Variants in VPS13A observed in about 807,000 individuals in gnomAD.
VPS13A encodes intermembrane lipid transfer protein VPS13A.
Under a neutral mutation model 390.9 loss-of-function variants are expected in VPS13A, and 264 were observed. The observed-to-expected ratio is 0.68, with a 90% CI of 0.61 to 0.75. VPS13A has a LOEUF of 0.75. VPS13A is among the 30% of genes least tolerant of loss of function. VPS13A has a pLI of 0.00. For missense variants in VPS13A, 3,409 were observed against 3,733.9 expected, an observed-to-expected ratio of 0.91 and a Z score of 2.27; for synonymous variants, 1,231 against 1,227.1, an observed-to-expected ratio of 1.00 and a Z score of -0.07.
intron 45 of VPS13A, among the ~76,000 whole-genome samples, chr9:77,330,222 C>T (rs1301198088): frequency 8.5e-5 from 13 of 152,106 alleles, no homozygotes; most frequent in Admixed American, 7.9e-4. Context: ...CACTATATTG[C>T]CTAGGCTGCT....
intron 6 of VPS13A, 117 bp from the exon 7 acceptor site, chr9:77,210,499 C>A: frequency 2.0e-6 from 2 of 977,458 alleles, no homozygotes; most frequent in Non-Finnish European, 3.2e-6. Flanking sequence ...CTGCCTTGGC[C>A]TTCCAGAGTG....
At chr9:77,382,767 A>ATTT in intron 68 of VPS13A, 1 of 985,650 alleles carries the variant, frequency 1.0e-6, no homozygotes, top group Non-Finnish European at 1.2e-6. Context: ...AACTTGTGGG[A>ATTT]TTTGATAAGC....
chr9:77,339,341 G>A (rs897142051), intron 47 of VPS13A, among the ~76,000 whole-genome samples, 175 bp from the exon 48 acceptor site: 13 of 152,082 alleles, frequency 8.5e-5, no homozygotes, highest in South Asian at 4.1e-4. Context: ...ATTAAATACC[G>A]TGTAGAGGTT....
intron 34 of VPS13A, among the ~76,000 whole-genome samples, chr9:77,305,809 G>C (rs1369710092): frequency 6.6e-6 from 1 of 152,206 alleles, no homozygotes; most frequent in Non-Finnish European, 1.5e-5. Flanking sequence ...ACCAAGTGGA[G>C]CAGCTTGTGA....
intron 1 of VPS13A, among the ~76,000 whole-genome samples, chr9:77,191,364 G>C (rs1175946660): frequency 6.6e-6 from 1 of 150,638 alleles, no homozygotes; most frequent in Non-Finnish European, 1.5e-5. Context: ...CATGAACACG[G>C]CTCACTGCAG....
chr9:77,337,776 T>G, intron 47 of VPS13A: 1 of 419,106 alleles, frequency 2.4e-6, no homozygotes, highest in Non-Finnish European at 4.2e-6. Flanking sequence ...TTAGTGCTGA[T>G]TTTCTTAAAA....
intron 45 of VPS13A, among the ~76,000 whole-genome samples, chr9:77,327,466 T>G (rs943417749): frequency 1.3e-5 from 2 of 152,150 alleles, no homozygotes; most frequent in African/African-American, 4.8e-5. Flanking sequence ...ATAGTACAGT[T>G]AAGATTATTC....
At chr9:77,396,617 C>T (rs1469181407) in intron 68 of VPS13A, among the ~76,000 whole-genome samples, 1 of 152,044 alleles carries the variant, frequency 6.6e-6, no homozygotes, top group East Asian at 1.9e-4. Context: ...CCTTCTTTTT[C>T]CTGGCCATGG....
intron 24 of VPS13A, among the ~76,000 whole-genome samples, chr9:77,274,959 A>T (rs1826558987): frequency 6.6e-6 from 1 of 152,132 alleles, no homozygotes; most frequent in Non-Finnish European, 1.5e-5. Context: ...GCATATGTGT[A>T]TGCTGATGTG....
At chr9:77,211,870 G>T (rs1255292049) in intron 7 of VPS13A, among the ~76,000 whole-genome samples, 2 of 152,210 alleles carry the variant, frequency 1.3e-5, no homozygotes, top group African/African-American at 2.4e-5. Context: ...AGAACAGGAG[G>T]TAAGGCCTGG....
chr9:77,203,435 A>T (rs1409916354), intron 3 of VPS13A, among the ~76,000 whole-genome samples: 1 of 152,034 alleles, frequency 6.6e-6, no homozygotes, highest in Non-Finnish European at 1.5e-5. Context: ...CTACAGGTGT[A>T]CGCCGCCATG....
intron 45 of VPS13A, among the ~76,000 whole-genome samples, chr9:77,331,247 A>G (rs549887361): frequency 1.6e-4 from 25 of 152,238 alleles, no homozygotes; most frequent in African/African-American, 5.5e-4. Context: ...TAGGAGCAGA[A>G]TTCCTAAGAA....
chr9:77,339,271 G>A (rs2131503728), intron 47 of VPS13A: 1 of 488,766 alleles, frequency 2.0e-6, no homozygotes, highest in East Asian at 3.4e-5. Context: ...AATCTTCACA[G>A]TTTGTCCTTT....
At chr9:77,282,894 A>G (rs1827119027) in intron 29 of VPS13A, among the ~76,000 whole-genome samples, 1 of 152,022 alleles carries the variant, frequency 6.6e-6, no homozygotes, top group Non-Finnish European at 1.5e-5. Context: ...GGTTGCAGCG[A>G]TCTTTGAGCT....
In VPS13A at chr9:77,337,486, A is replaced by G; in HGVS notation, c.6327A>G (p.Pro2109=). ...WDLPYIMHLW[P]PILLRNLLPY... ...TACCATACATAATGCATTTGTGGCC[A>G]CCTATCCTGCTCCGAAATCTTCTTC... Residue 2109 remains proline (P), a synonymous_variant, in exon 47 of 72, where the codon CCA becomes CCG. Transcript: ENST00000360280. 3 of 1,613,542 alleles carry G rather than the reference A, an allele frequency of 1.9e-6. No individual in the cohort carries two copies. The highest frequency in any genetic ancestry group is 2.7e-5 in the African/African-American group (2 of 75,024).
intron 68 of VPS13A, chr9:77,382,390 A>C (rs920410975): frequency 1.7e-5 from 25 of 1,466,492 alleles, no homozygotes; most frequent in African/African-American, 2.9e-5. Context: ...AGTATTTTGA[A>C]TACAAAGAAA....
At chr9:77,390,881 A>G (rs538006931) in intron 68 of VPS13A, among the ~76,000 whole-genome samples, 1 of 152,094 alleles carries the variant, frequency 6.6e-6, no homozygotes, top group South Asian at 2.1e-4. Flanking sequence ...AAATGAGACT[A>G]ATTTGATTTC....
In VPS13A at chr9:77,368,047, T is replaced by C; in HGVS notation, c.8472-8T>C. The C allele has an allele frequency of 6.2e-7, 1 of 1,609,360 alleles. No individual in the cohort carries two copies. The highest frequency in any genetic ancestry group is 8.5e-7 in the Non-Finnish European group (1 of 1,177,866). ...TGTACAGACAATATATTTTTACGCTTTTTTCAGGCTTGCATTTTTTGAACT... is the reference window on the plus strand; with the variant it reads ...TGTACAGACAATATATTTTTACGCTCTTTTCAGGCTTGCATTTTTTGAACT... On this transcript the variant is annotated splice_region_variant and splice_polypyrimidine_tract_variant and intron_variant, in intron 61 of 71. Transcript: ENST00000360280.
intron 10 of VPS13A, among the ~76,000 whole-genome samples, chr9:77,217,819 C>T (rs1016949565): frequency 3.7e-5 from 5 of 134,436 alleles, no homozygotes; most frequent in Admixed American, 7.7e-5. Context: ...TCTTTTCTTT[C>T]GGGTAGATAC....
Sources: gnomAD v4.1 joint callset for allele counts (sites outside exome capture counted in the v4.1 genomes callset) on GRCh38, gnomAD v4.1.1 for gene constraint, MANE v1.5 for transcripts, NCBI Gene and HGNC (gene_info 2026-07-23, HGNC 2026-07-21) for gene names.